The following TPO variants were observed in gnomAD, a reference collection of about 807,000 sequenced individuals.
TPO encodes the protein thyroid microsomal antigen.
A neutral mutation model predicts 96.9 loss-of-function variants in TPO; 78 were observed. That is an observed-to-expected ratio of 0.81 (90% confidence interval 0.67 to 0.97). TPO has a LOEUF of 0.97. Ranked by LOEUF, TPO falls within the 50% of genes least tolerant of loss-of-function variation. The pLI, the probability that TPO is intolerant of heterozygous loss-of-function variation, is 0.00. For missense variants in TPO, 1,252 were observed against 1,274.8 expected, an observed-to-expected ratio of 0.98 and a Z score of 0.27; for synonymous variants, 547 against 538.0, an observed-to-expected ratio of 1.02 and a Z score of -0.23.
chr2:1,413,058 G>T (rs1662520821), upstream of TPO, among the ~76,000 whole-genome samples: 1 of 152,114 alleles, frequency 6.6e-6, no homozygotes, highest in East Asian at 1.9e-4. Flanking sequence ...GGAAGCAAAA[G>T]GCTCAGAGTT....
intron 1 of TPO, among the ~76,000 whole-genome samples, chr2:1,384,159 C>A (rs910961511): frequency 3.3e-5 from 5 of 152,190 alleles, no homozygotes; most frequent in African/African-American, 1.2e-4. Flanking sequence ...GTGATGCCTC[C>A]AGCTATGTTC....
chr2:1,422,344 C>CGACTTCGTGCAGGCGCCTCTCCTGGACA (rs1397279329), intron 2 of TPO, among the ~76,000 whole-genome samples: 1 of 77,520 alleles, frequency 1.3e-5, no homozygotes, highest in Non-Finnish European at 3.0e-5. Context: ...TCTCCTGGAC[C>CGACTTCGTGCAGGCGCCTCTCCTGGACA]GACCTCGTGC....
At chr2:1,512,321 C>T (rs188219084) in intron 14 of TPO, 23 of 853,924 alleles carry the variant, frequency 2.7e-5, no homozygotes, top group South Asian at 5.3e-5. Context: ...AGAGTTGAGA[C>T]GTTCCCTCCC....
intron 4 of TPO, among the ~76,000 whole-genome samples, chr2:1,434,870 G>A (rs895365474): frequency 6.6e-6 from 1 of 152,178 alleles, no homozygotes; most frequent in Non-Finnish European, 1.5e-5. Flanking sequence ...GTCAGTGCCT[G>A]TCCTTCTAGG....
In TPO at chr2:1,529,076, TCCC is replaced by T. The variant is rs1172215677; in HGVS notation, c.2619-11514_2619-11512del. 1.1e-4 allele frequency among the ~76,000 whole-genome samples: 10 copies of T among 92,352 alleles called. 1 individual carries two copies. Among genetic ancestry groups the T allele is most frequent in the East Asian group, 3.7e-4 (1 of 2,736 alleles). The allele number at this position is 92,352 out of a possible 152,430, so 60.6% of individuals were successfully genotyped here. On this transcript the variant is annotated intron_variant, in intron 15 of 16. Transcript: ENST00000329066. ...CCCCAGTGTGTGCAACTTCCCTAAA[TCCC>T]CCCAACTGTGTTTAACCTCTCCAAA...
chr2:1,529,918 A>ACCC lies in TPO; in HGVS notation c.2619-10670_2619-10668dup, dbSNP rs145264507. Among the ~76,000 whole-genome samples the ACCC allele has an allele frequency of 4.2e-3, 234 of 56,126 alleles. 3 individuals carry two copies. The highest frequency in any genetic ancestry group is 0.02 in the African/African-American group (221 of 11,268). The allele number at this position is 56,126 out of a possible 152,430, so 36.8% of individuals were successfully genotyped here. A position where few individuals can be genotyped will look rare whatever the true frequency, so the allele number is the denominator to read the frequency against. On this transcript the variant is annotated intron_variant, in intron 15 of 16. Transcript: ENST00000329066. ...CTCCCACTCTGTGCAAACTCCCCAA[A>ACCC]CCCCCCCCTTGCAGCCTCCCCATAT...
rs375362499 is a variant in TPO at position 1,525,777 on chromosome 2, C to G, written c.2618+8795C>G. Among the ~76,000 whole-genome samples the G allele has an allele frequency of 4.1e-4, 60 of 147,514 alleles. 3 individuals carry two copies. The East Asian group carries it at 9.4e-3, about 23-fold the overall frequency. ...CCACTGTGGGCAACCACACTAAATC[C>G]CGCCACTGTGTGCAACCTCACCAAA... On this transcript the variant is annotated intron_variant, in intron 15 of 16. Coordinates refer to ENST00000329066, the MANE Select transcript of TPO (RefSeq NM_001206744.2).
intron 5 of TPO, among the ~76,000 whole-genome samples, chr2:1,450,598 A>G (rs867926793): frequency 6.6e-6 from 1 of 152,246 alleles, no homozygotes. Flanking sequence ...GAGCTGATCA[A>G]AGTCTCAGAG....
intron 1 of TPO, among the ~76,000 whole-genome samples, chr2:1,380,393 CAAA>C (rs35109677): frequency 7.1e-4 from 67 of 94,914 alleles, no homozygotes; most frequent in Middle Eastern, 5.7e-3. Flanking sequence ...GACTCTGTCT[CAAA>C]AAAAAAAAAA....
In TPO at chr2:1,396,226, G is replaced by A. The variant is rs75136702; in HGVS notation, n.180+21824G>A. On this transcript the variant is annotated intron_variant and non_coding_transcript_variant, in intron 1 of 5. Coordinates refer to the TPO transcript ENST00000497517. ...GAGGCCAGCAGGGGTTCCCCAGGAC[G>A]GAGGAGCTAAAAAGTAATCTGGGAA... Among the ~76,000 whole-genome samples the A allele has an allele frequency of 3.5e-3, 536 of 152,292 alleles. 11 individuals carry two copies. In the East Asian group the frequency reaches 0.062, roughly 18 times the overall value.
chr2:1,506,090 T>A (rs1412389669), intron 14 of TPO, among the ~76,000 whole-genome samples: 4 of 151,732 alleles, frequency 2.6e-5, no homozygotes, highest in Admixed American at 1.3e-4. Flanking sequence ...CCTGTGTCCA[T>A]GTGTTCTCAT....
intron 1 of TPO, among the ~76,000 whole-genome samples, chr2:1,398,809 G>A (rs1181959060): frequency 2.6e-5 from 4 of 152,156 alleles, no homozygotes; most frequent in African/African-American, 9.7e-5. Context: ...CAGGGGCCAG[G>A]GAGTGCAGAG....
intron 14 of TPO, among the ~76,000 whole-genome samples, chr2:1,514,065 C>G (rs555496599): frequency 6.6e-6 from 1 of 152,282 alleles, no homozygotes; most frequent in East Asian, 1.9e-4. Flanking sequence ...ATTAGAGAGG[C>G]TGAGGAGTCC....
intron 15 of TPO, among the ~76,000 whole-genome samples, chr2:1,521,934 C>A (rs1675317595): frequency 6.6e-6 from 1 of 152,036 alleles, no homozygotes; most frequent in South Asian, 2.1e-4. Flanking sequence ...AGCCCAGAAC[C>A]CAAGCCTGGC....
intron 5 of TPO, chr2:1,438,984 C>G (rs1665889363): frequency 3.2e-6 from 2 of 616,902 alleles, no homozygotes; most frequent in Admixed American, 5.7e-5. Context: ...GCAGTAGAGC[C>G]TGAACCTTTC....
intron 15 of TPO, among the ~76,000 whole-genome samples, chr2:1,523,196 GTTTGCAACCTCCCAAATCCCCCCACTT>G (rs1675570621): frequency 2.6e-5 from 1 of 38,278 alleles, no homozygotes; most frequent in Non-Finnish European, 4.9e-5. Flanking sequence ...CCCCCCAACT[GTTTGCAACCTCCCAAATCCCCCCACTT>G]TGAGCAACCT....
At chr2:1,408,729 A>G (rs755836227), upstream of TPO, among the ~76,000 whole-genome samples, 2 of 152,222 alleles carry the variant, frequency 1.3e-5, no homozygotes, top group South Asian at 2.1e-4. Context: ...TTGATGTTCA[A>G]TCGGCCTACT....
chr2:1,398,887 G>A (rs906633897), intron 1 of TPO, among the ~76,000 whole-genome samples: 2 of 152,166 alleles, frequency 1.3e-5, no homozygotes, highest in East Asian at 3.9e-4. Flanking sequence ...GGTGGGGGGC[G>A]CTGGCACCAA....
At chr2:1,476,777 T>A (rs1371660113) in intron 7 of TPO, among the ~76,000 whole-genome samples, 1 of 150,900 alleles carries the variant, frequency 6.6e-6, no homozygotes, top group Non-Finnish European at 1.5e-5. Flanking sequence ...GTGAGCAGGC[T>A]GAGGGGAGGT....
Sources: allele counts gnomAD v4.1 joint callset (sites outside exome capture counted in the v4.1 genomes callset), GRCh38; gene constraint gnomAD v4.1.1; transcripts MANE v1.5; gene names NCBI Gene and HGNC (gene_info 2026-07-23, HGNC 2026-07-21).